Variants in STX8 observed in about 807,000 individuals in gnomAD.
STX8 encodes syntaxin 8.
Under a neutral mutation model 37.5 loss-of-function variants are expected in STX8, and 23 were observed. The ratio of observed to expected loss-of-function variants is 0.61; its 90% CI spans 0.44 to 0.87. STX8 has a LOEUF of 0.87. STX8 is among the 40% of genes least tolerant of loss of function. The pLI is 0.00. For missense variants in STX8, 313 were observed against 284.7 expected, an observed-to-expected ratio of 1.10 and a Z score of -0.71; for synonymous variants, 115 against 99.1, an observed-to-expected ratio of 1.16 and a Z score of -0.95.
chr17:9,319,755 A>T (rs1909511549), intron 7 of STX8, among the ~76,000 whole-genome samples: 1 of 151,934 alleles, frequency 6.6e-6, no homozygotes, highest in African/African-American at 2.4e-5. Context: ...GTTCAAGACC[A>T]GCCTGACCAA....
rs73976025 is a variant in STX8 at position 9,273,652 on chromosome 17, G to A, written c.644-23007C>T. ...GTTAACACTGTCTGACTTTGTCTTC[G>A]CAAAGAAAGAATCTAGCTCCACAGT... On this transcript the variant is annotated intron_variant, in intron 7 of 7. Coordinates refer to ENST00000306357, the MANE Select transcript of STX8 (RefSeq NM_004853.3). Among the ~76,000 whole-genome samples the A allele has an allele frequency of 5.1e-3, 780 of 152,352 alleles. 7 individuals are homozygous for A. Among genetic ancestry groups the A allele is most frequent in the African/African-American group, 0.016 (684 of 41,576 alleles).
At chr17:9,336,589 A>C (rs4996779) in intron 7 of STX8, among the ~76,000 whole-genome samples, 149,310 of 152,094 alleles carry the variant, frequency 0.98, 73,342 homozygotes, top group Middle Eastern at 1. Context: ...GCGCCCGCCA[A>C]CACGTCCAGC....
chr17:9,530,636 T>G (rs1300951346), intron 4 of STX8, among the ~76,000 whole-genome samples: 1 of 152,234 alleles, frequency 6.6e-6, no homozygotes. Flanking sequence ...AATTCAAGTC[T>G]TTTGCCTATG....
intron 6 of STX8, among the ~76,000 whole-genome samples, chr17:9,386,536 G>C (rs2142296087): frequency 6.6e-6 from 1 of 152,194 alleles, no homozygotes; most frequent in East Asian, 1.9e-4. Context: ...AGGAAGGGAA[G>C]TCAGGAGGGA....
At chr17:9,299,629 G>T (rs1908695758) in intron 7 of STX8, among the ~76,000 whole-genome samples, 1 of 151,978 alleles carries the variant, frequency 6.6e-6, no homozygotes, top group Non-Finnish European at 1.5e-5. Flanking sequence ...ATTTTTAGTA[G>T]AGACAGGGTT....
chr17:9,527,701 A>G lies in STX8; in HGVS notation c.323+17471T>C, dbSNP rs1248454498. Among the ~76,000 whole-genome samples, 3 of 152,306 alleles carry G rather than the reference A, an allele frequency of 2.0e-5. No homozygotes were observed. The East Asian group carries it at 5.8e-4, about 29-fold the overall frequency. Reference sequence around the variant, plus strand: ...CCATTTTTTACCCATCAGAGCAACAAAACAAAATCCATCAAGTTCTGTAAC... The same window carrying G: ...CCATTTTTTACCCATCAGAGCAACAGAACAAAATCCATCAAGTTCTGTAAC... On this transcript the variant is annotated intron_variant, in intron 4 of 7. Coordinates refer to ENST00000306357, the MANE Select transcript of STX8 (RefSeq NM_004853.3).
chr17:9,431,727 C>T (rs962666811), intron 6 of STX8, among the ~76,000 whole-genome samples: 1 of 152,184 alleles, frequency 6.6e-6, no homozygotes, highest in Non-Finnish European at 1.5e-5. Flanking sequence ...TGTTTAAGAA[C>T]AGCAGGTTAG....
intron 5 of STX8, among the ~76,000 whole-genome samples, chr17:9,498,474 A>G (rs1468741248): frequency 6.6e-6 from 1 of 152,216 alleles, no homozygotes; most frequent in Non-Finnish European, 1.5e-5. Flanking sequence ...GAGCAAGTTT[A>G]AGAATAGATG....
At chr17:9,550,202 C>T (rs1344483078) in intron 3 of STX8, among the ~76,000 whole-genome samples, 102 of 133,186 alleles carry the variant, frequency 7.7e-4, no homozygotes, top group Middle Eastern at 4.9e-3. Flanking sequence ...CCAGCCTGGG[C>T]AACAAAGTGA....
intron 2 of STX8, among the ~76,000 whole-genome samples, chr17:9,559,627 A>T (rs1907124119): frequency 6.7e-6 from 1 of 150,114 alleles, no homozygotes; most frequent in Non-Finnish European, 1.5e-5. Context: ...AGAAAAATTA[A>T]AGAAAAATAC....
chr17:9,486,327 G>T (rs960760928), intron 6 of STX8, among the ~76,000 whole-genome samples: 7 of 152,174 alleles, frequency 4.6e-5, no homozygotes, highest in African/African-American at 1.7e-4. Flanking sequence ...CTCATAGATT[G>T]TCAGGGAAAC....
At chr17:9,497,040 T>A (rs867043055) in intron 5 of STX8, among the ~76,000 whole-genome samples, 4 of 152,204 alleles carry the variant, frequency 2.6e-5, no homozygotes, top group African/African-American at 7.2e-5. Flanking sequence ...AATCATTTTT[T>A]AAAAATCCCC....
chr17:9,326,355 C>T (rs1448339609), intron 7 of STX8, among the ~76,000 whole-genome samples: 1 of 152,110 alleles, frequency 6.6e-6, no homozygotes. Context: ...CTCCTGGGCT[C>T]AAGTGATCTG....
chr17:9,537,578 A>AGTCG (rs1906109695), intron 4 of STX8, among the ~76,000 whole-genome samples: 1 of 151,582 alleles, frequency 6.6e-6, no homozygotes, highest in Non-Finnish European at 1.5e-5. Context: ...GTCCTGGCTC[A>AGTCG]ATCTTTCTGT....
intron 7 of STX8, among the ~76,000 whole-genome samples, chr17:9,344,746 C>T (rs746776998): frequency 2.6e-5 from 4 of 152,136 alleles, no homozygotes; most frequent in Admixed American, 6.5e-5. Flanking sequence ...CTCCAGTTTC[C>T]CTACTATGGA....
In STX8 at chr17:9,264,047, A is replaced by G. The variant is rs571217659; in HGVS notation, c.644-13402T>C. 3.3e-5 allele frequency among the ~76,000 whole-genome samples: 5 copies of G among 152,338 alleles called. No individual in the cohort carries two copies. The South Asian group carries it at 8.3e-4, about 25-fold the overall frequency. ...TCACCATGTGAGTAGTTCAACTGCT[A>G]GAAGGCTGCCATGCTGCAAGGAAGC... On this transcript the variant is annotated intron_variant, in intron 7 of 7. Coordinates refer to ENST00000306357, the MANE Select transcript of STX8 (RefSeq NM_004853.3).
At chr17:9,550,467 G>T (rs572095971) in intron 3 of STX8, among the ~76,000 whole-genome samples, 1 of 146,856 alleles carries the variant, frequency 6.8e-6, no homozygotes, top group Admixed American at 6.8e-5. Context: ...CCAGCTACTC[G>T]GGAGGCTAAG....
intron 6 of STX8, among the ~76,000 whole-genome samples, chr17:9,409,250 T>C (rs1261052234): frequency 1.3e-5 from 2 of 152,160 alleles, no homozygotes; most frequent in Non-Finnish European, 2.9e-5. Context: ...CCTTCCCCCG[T>C]GGTGCCTGCA....
chr17:9,450,509 T>C (rs1000370997), intron 6 of STX8, among the ~76,000 whole-genome samples: 8 of 151,414 alleles, frequency 5.3e-5, no homozygotes, highest in Non-Finnish European at 2.9e-5. Context: ...AGATAGAATC[T>C]CCCTATCTTA....
Sources: allele counts gnomAD v4.1 joint callset (sites outside exome capture counted in the v4.1 genomes callset), GRCh38; gene constraint gnomAD v4.1.1; transcripts MANE v1.5; gene names NCBI Gene and HGNC (gene_info 2026-07-23, HGNC 2026-07-21).